Variants in PDE10A observed in about 807,000 individuals in gnomAD.
The protein encoded by PDE10A is cAMP and cAMP-inhibited cGMP 3',5'-cyclic phosphodiesterase 10A.
Under a neutral mutation model 97.7 loss-of-function variants are expected in PDE10A, and 39 were observed. That is an observed-to-expected ratio of 0.40 (90% CI 0.31 to 0.52). The LOEUF is 0.52. Ranked by LOEUF, PDE10A falls within the 20% of genes least tolerant of loss-of-function variation. The pLI is 0.56. For missense variants in PDE10A, 731 were observed against 1,047.8 expected (o/e 0.70, Z 4.17); for synonymous variants, 371 against 376.8 (o/e 0.98, Z 0.18).
chr6:165,562,420 G>A (rs1356344208), intron 1 of PDE10A, among the ~76,000 whole-genome samples: 2 of 152,032 alleles, frequency 1.3e-5, no homozygotes, highest in African/African-American at 4.8e-5. Context: ...ATAATTTTCA[G>A]ATAAATATGA....
intron 2 of PDE10A, among the ~76,000 whole-genome samples, chr6:165,508,655 G>A (rs1193358448): frequency 2.6e-5 from 4 of 151,798 alleles, no homozygotes; most frequent in Non-Finnish European, 4.4e-5. Context: ...CTCAATCAAC[G>A]TTTGAAAAGT....
At chr6:165,439,771 A>T (rs1199090109) in intron 5 of PDE10A, among the ~76,000 whole-genome samples, 1 of 152,264 alleles carries the variant, frequency 6.6e-6, no homozygotes, top group African/African-American at 2.4e-5. Flanking sequence ...AAAGGACTTA[A>T]AAAGCATTCA....
intron 1 of PDE10A, among the ~76,000 whole-genome samples, chr6:165,832,852 A>T (rs1013191327): frequency 1.8e-4 from 28 of 152,306 alleles, no homozygotes; most frequent in Admixed American, 5.2e-4. Flanking sequence ...CACCCCTCAC[A>T]TATTCCGGGT....
At chr6:165,334,321 G>A (rs1039551477) in intron 21 of PDE10A, among the ~76,000 whole-genome samples, 4 of 148,326 alleles carry the variant, frequency 2.7e-5, no homozygotes, top group Non-Finnish European at 6.0e-5. Flanking sequence ...TTACAGCGCC[G>A]GGCACGCGCC....
At chr6:165,968,766 C>G (rs1784588655) in intron 1 of PDE10A, among the ~76,000 whole-genome samples, 1 of 152,210 alleles carries the variant, frequency 6.6e-6, no homozygotes, top group Admixed American at 6.5e-5. Context: ...AAATTTTTAT[C>G]TCTAACATCT....
At chr6:165,430,407 C>T in intron 8 of PDE10A, 62 bp from the exon 9 acceptor site, 1 of 1,012,462 alleles carries the variant, frequency 9.9e-7, no homozygotes, top group Non-Finnish European at 1.5e-6. Flanking sequence ...AATAAAACTT[C>T]CAGAATACTA....
intron 9 of PDE10A, among the ~76,000 whole-genome samples, chr6:165,429,617 C>T (rs1444362241): frequency 6.6e-6 from 1 of 151,932 alleles, no homozygotes; most frequent in Non-Finnish European, 1.5e-5. Flanking sequence ...TACATTATTC[C>T]TTTAGTGAAC....
At chr6:165,950,180 A>T (rs9459544) in intron 1 of PDE10A, among the ~76,000 whole-genome samples, 22,522 of 152,226 alleles carry the variant, frequency 0.15, 1,898 homozygotes, top group Non-Finnish European at 0.18. Flanking sequence ...AATGTTTAAA[A>T]TAAAATTGAA....
chr6:165,544,820 AACAC>A (rs35620564), intron 1 of PDE10A, among the ~76,000 whole-genome samples: 3 of 150,006 alleles, frequency 2.0e-5, no homozygotes, highest in African/African-American at 7.3e-5. Flanking sequence ...AGTCAATTTA[AACAC>A]ACACACACAC....
chr6:165,396,277 A>G, intron 14 of PDE10A, 40 bp downstream of exon 14: 1 of 1,591,140 alleles, frequency 6.3e-7, no homozygotes, highest in South Asian at 1.1e-5. Context: ...AATTCAATTA[A>G]AAATGGTTCC....
chr6:165,648,128 T>G (rs1252265934), intron 1 of PDE10A, among the ~76,000 whole-genome samples: 3 of 152,190 alleles, frequency 2.0e-5, no homozygotes, highest in Non-Finnish European at 2.9e-5. Flanking sequence ...TTCTCCTGCC[T>G]CAGCCTCCCG....
At chr6:165,407,612 A>C (rs1208700404) in intron 13 of PDE10A, among the ~76,000 whole-genome samples, 1 of 152,266 alleles carries the variant, frequency 6.6e-6, no homozygotes, top group East Asian at 1.9e-4. Context: ...TAAAGGTTCA[A>C]CCACTTATTC....
At chr6:165,735,787 T>C (rs931341695) in intron 1 of PDE10A, among the ~76,000 whole-genome samples, 3 of 152,216 alleles carry the variant, frequency 2.0e-5, no homozygotes, top group African/African-American at 4.8e-5. Flanking sequence ...CACAGAAACA[T>C]GCAGACTTAT....
intron 1 of PDE10A, among the ~76,000 whole-genome samples, chr6:165,898,720 T>G (rs1427749422): frequency 6.6e-6 from 1 of 151,940 alleles, no homozygotes; most frequent in African/African-American, 2.4e-5. Context: ...ACTCCCAGAC[T>G]CAGCCCTCAG....
intron 3 of PDE10A, among the ~76,000 whole-genome samples, chr6:165,473,120 A>G (rs1033481300): frequency 5.3e-5 from 8 of 152,194 alleles, no homozygotes; most frequent in African/African-American, 1.9e-4. Context: ...CAGAAACTCA[A>G]TGGGGCATTT....
intron 1 of PDE10A, among the ~76,000 whole-genome samples, chr6:165,712,570 A>AATTTGTT (rs939423723): frequency 5.9e-4 from 89 of 151,786 alleles, no homozygotes; most frequent in African/African-American, 1.9e-3. Context: ...TGTTGAAAGT[A>AATTTGTT]ATTTGTTACA....
At chr6:165,962,742 A>T (rs1784397628) in intron 1 of PDE10A, among the ~76,000 whole-genome samples, 1 of 152,170 alleles carries the variant, frequency 6.6e-6, no homozygotes, top group African/African-American at 2.4e-5. Flanking sequence ...CCTCATTATG[A>T]CCTTTATAAA....
At chr6:165,934,735 C>G (rs1386989983) in intron 1 of PDE10A, among the ~76,000 whole-genome samples, 1 of 152,174 alleles carries the variant, frequency 6.6e-6, no homozygotes, top group Non-Finnish European at 1.5e-5. Context: ...CCCCACCACT[C>G]TCTGCAATGC....
At chr6:165,426,630 CAAAATT>C (rs1356628179) in intron 10 of PDE10A, among the ~76,000 whole-genome samples, 1 of 152,006 alleles carries the variant, frequency 6.6e-6, no homozygotes, top group Non-Finnish European at 1.5e-5. Context: ...TGGATTTCAT[CAAAATT>C]AAAATCTTTT....
Sources: allele counts gnomAD v4.1 joint callset (sites outside exome capture counted in the v4.1 genomes callset), GRCh38; gene constraint gnomAD v4.1.1; transcripts MANE v1.5; gene names NCBI Gene and HGNC (gene_info 2026-07-23, HGNC 2026-07-21).